The following USP20 variants were observed in gnomAD, a reference collection of about 807,000 sequenced individuals.
USP20 encodes the protein ubiquitin carboxyl-terminal hydrolase 20.
A neutral mutation model predicts 124.2 loss-of-function variants in USP20; 80 were observed. The ratio of observed to expected loss-of-function variants is 0.64; its 90% CI spans 0.54 to 0.78. USP20 has a LOEUF of 0.78. USP20 is among the 30% of genes least tolerant of loss of function. The pLI is 0.00. For missense variants in USP20, 1,043 were observed against 1,244.4 expected (o/e 0.84, Z 2.44); for synonymous variants, 481 against 512.3 (o/e 0.94, Z 0.83).
At chr9:129,838,618 G>A (rs531435756) in intron 1 of USP20, among the ~76,000 whole-genome samples, 62 of 152,306 alleles carry the variant, frequency 4.1e-4, no homozygotes, top group African/African-American at 1.3e-3. Flanking sequence ...CTCTGAGATT[G>A]CATGGGGGAA....
At chr9:129,868,554 C>G in intron 11 of USP20, 105 bp downstream of exon 11, 6 of 1,454,940 alleles carry the variant, frequency 4.1e-6, no homozygotes, top group Non-Finnish European at 4.5e-6. Context: ...GGGTTCTTCA[C>G]TAGACCCGAA....
rs760585878 is a variant in USP20, at chr9:129,863,164, GCT to G, written c.498-14_498-13del. The stretch of plus-strand genomic sequence containing the variant: ...ATGCCTCATTTGCTCTCCTGACCTG[GCT>G]CTCTCTCCCCTGCACCCAGCCCGCC... On this transcript the variant is annotated intron_variant, in intron 8 of 25. Transcript: ENST00000372429. The G allele has an allele frequency of 1.5e-5, 23 of 1,500,886 alleles. No homozygotes were observed. The Admixed American group carries it at 3.2e-4, about 21-fold the overall frequency. The allele number at this position is 1,500,886 out of a possible 1,614,324, so 93.0% of individuals were successfully genotyped here.
intron 2 of USP20, 66 bp from the exon 3 acceptor site, chr9:129,852,474 C>A: frequency 6.9e-7 from 1 of 1,444,860 alleles, no homozygotes; most frequent in Non-Finnish European, 9.5e-7. Context: ...TACTTAACCA[C>A]TCACCTCCCC....
At chr9:129,835,658 C>T (rs2031762292) in intron 1 of USP20, 159 bp downstream of exon 1, 1 of 156,112 alleles carries the variant, frequency 6.4e-6, no homozygotes, top group South Asian at 1.8e-4. Context: ...GCCGCCGCCC[C>T]TCTCCCCTCC....
At chr9:129,845,688 G>T (rs2032497249) in intron 1 of USP20, among the ~76,000 whole-genome samples, 1 of 151,810 alleles carries the variant, frequency 6.6e-6, no homozygotes, top group Non-Finnish European at 1.5e-5. Flanking sequence ...CACTGTGACT[G>T]ACCTTATTAG....
chr9:129,836,119 C>T (rs1203356563), intron 1 of USP20, among the ~76,000 whole-genome samples: 2 of 152,204 alleles, frequency 1.3e-5, no homozygotes, highest in Non-Finnish European at 2.9e-5. Context: ...CCCCTTCCAC[C>T]CCGAAGATGC....
At chr9:129,873,115 T>C (rs2034209470) in intron 15 of USP20, among the ~76,000 whole-genome samples, 1 of 147,442 alleles carries the variant, frequency 6.8e-6, no homozygotes, top group Non-Finnish European at 1.5e-5. Flanking sequence ...GGAGTTTTAC[T>C]CTGTCACCCA....
chr9:129,873,074 C>CTTT (rs2034200821), intron 15 of USP20, among the ~76,000 whole-genome samples: 2 of 57,616 alleles, frequency 3.5e-5, no homozygotes, highest in Non-Finnish European at 7.9e-5. Flanking sequence ...TTTTCTTTTT[C>CTTT]TTCTTCTTTT....
At chr9:129,845,348 C>T (rs2032477669) in intron 1 of USP20, among the ~76,000 whole-genome samples, 1 of 152,078 alleles carries the variant, frequency 6.6e-6, no homozygotes, top group Non-Finnish European at 1.5e-5. Context: ...GCACACTCTT[C>T]TTATTTTCTT....
At position 129,875,459 on chromosome 9, in the gene USP20, C is replaced by T. The variant is rs747558303; in HGVS notation, c.2198C>T (p.Thr733Ile). 3 of 1,613,376 alleles carry T rather than the reference C, an allele frequency of 1.9e-6. No individual in the cohort carries two copies. Among genetic ancestry groups the T allele is most frequent in the Non-Finnish European group, 2.5e-6 (3 of 1,179,708 alleles). Reference protein sequence around the residue: ...FAEPGPITNQTFLCSHGGIPP... With the variant: ...FAEPGPITNQIFLCSHGGIPP... ...GAGCCAGGCCCCATCACCAACCAGACCTTCCTCTGCTCCCACGGAGGTGAG... is the reference window on the plus strand; with the variant it reads ...GAGCCAGGCCCCATCACCAACCAGATCTTCCTCTGCTCCCACGGAGGTGAG... The change falls in exon 20 of 26, where the codon ACC becomes ATC. Residue 733 changes from threonine (T) to isoleucine (I), a missense_variant. Coordinates refer to ENST00000372429, the MANE Select transcript of USP20 (RefSeq NM_001110303.4).
Position 129,869,316 on chromosome 9 carries a change from T to C in USP20, c.1283T>C (p.Val428Ala). ...APSYVLKKAQ[V>A]LSAGSRRRKE... ...TCCTGTGCTGTGTCCCCAGCCCAGG[T>C]ATTGAGTGCTGGCAGCCGGAGGCGG... The change falls in exon 13 of 26, where the codon GTA (valine) becomes GCA (alanine). Residue 428 changes from valine (V) to alanine (A), a missense_variant. Coordinates refer to ENST00000372429, the MANE Select transcript of USP20 (RefSeq NM_001110303.4). 1 of 1,613,310 alleles carries C rather than the reference T, an allele frequency of 6.2e-7. No individual in the cohort carries two copies. The highest frequency in any genetic ancestry group is 8.5e-7 in the Non-Finnish European group (1 of 1,179,850).
chr9:129,865,327 T>A lies in USP20; in HGVS notation c.636T>A (p.Ser212Arg). The change falls in exon 10 of 26, where the codon AGT becomes AGA. Residue 212 changes from serine to arginine, a missense_variant. Ser to Arg is a moderately radical substitution (Grantham distance 110). Transcript: ENST00000372429. Reference protein sequence around the residue: ...KKRPSYVVPTSLSHGIKLVNP... With the variant: ...KKRPSYVVPTRLSHGIKLVNP... Reference sequence around the variant, plus strand: ...GGCCAAGCTACGTGGTCCCCACCAGTCTGTCTCATGGGATCAAGTTGGTCA... The same window carrying A: ...GGCCAAGCTACGTGGTCCCCACCAGACTGTCTCATGGGATCAAGTTGGTCA... 6.2e-7 allele frequency: 1 copy of A among 1,614,152 alleles called. No homozygotes were observed. Among genetic ancestry groups the A allele is most frequent in the South Asian group, 1.1e-5 (1 of 91,084 alleles).
intron 1 of USP20, among the ~76,000 whole-genome samples, chr9:129,836,090 T>A (rs1182796521): frequency 6.6e-6 from 1 of 152,158 alleles, no homozygotes; most frequent in Non-Finnish European, 1.5e-5. Context: ...CTTCGGCAGG[T>A]CTGTCGCTCT....
At position 129,868,143 on chromosome 9, in the gene USP20, A is replaced by G; in HGVS notation, c.829A>G (p.Ser277Gly). 1 of 1,614,110 alleles carries G rather than the reference A, an allele frequency of 6.2e-7. No individual in the cohort carries two copies. The highest frequency in any genetic ancestry group is 8.5e-7 in the Non-Finnish European group (1 of 1,180,002). ...DTDEKREGDR[S>G]PSEDEFLSCD... ...GGATGAGAAACGGGAGGGTGACCGG[A>G]GCCCATCAGAAGATGAGTTCTTGTC... The change falls in exon 11 of 26, where the codon AGC becomes GGC. Residue 277 changes from serine (S) to glycine (G), a missense_variant. Ser to Gly is a moderately conservative substitution (Grantham distance 56). Transcript: ENST00000372429.
At chr9:129,863,078 A>G (rs1336025347) in intron 8 of USP20, 108 bp from the exon 9 acceptor site, 30 of 760,874 alleles carry the variant, frequency 3.9e-5, no homozygotes, top group Non-Finnish European at 5.5e-5. Context: ...GTCCAGGGCC[A>G]CTGTGCTCCC....
At chr9:129,854,785 G>A (rs910762051) in intron 3 of USP20, among the ~76,000 whole-genome samples, 2 of 152,206 alleles carry the variant, frequency 1.3e-5, no homozygotes, top group African/African-American at 4.8e-5. Flanking sequence ...TCCTCCGTGA[G>A]AGACCCTAAA....
chr9:129,863,354 C>T (rs2033650073), intron 9 of USP20, 55 bp downstream of exon 9: 4 of 1,400,234 alleles, frequency 2.9e-6, no homozygotes, highest in Non-Finnish European at 2.9e-6. Context: ...GGTTTCCTGT[C>T]AGCACCCATG....
intron 1 of USP20, among the ~76,000 whole-genome samples, chr9:129,846,243 A>ATTTTTTTTT (rs1270846866): frequency 2.2e-4 from 8 of 36,022 alleles, no homozygotes; most frequent in East Asian, 8.4e-4. Context: ...ATATATATAT[A>ATTTTTTTTT]TATATTTTTT....
chr9:129,869,259 C>T (rs571714561), intron 12 of USP20, 51 bp from the exon 13 acceptor site: 14 of 1,558,788 alleles, frequency 9.0e-6, no homozygotes, highest in Middle Eastern at 1.7e-4. Flanking sequence ...GCCCGCACCT[C>T]GCCCCGGCCA....
Sources: allele counts gnomAD v4.1 joint callset (sites outside exome capture counted in the v4.1 genomes callset), GRCh38; gene constraint gnomAD v4.1.1; transcripts MANE v1.5; gene names NCBI Gene and HGNC (gene_info 2026-07-23, HGNC 2026-07-21).